Variants in FNIP1 observed in about 807,000 individuals in gnomAD.
FNIP1 encodes the protein folliculin-interacting protein 1.
FNIP1 carries 40 observed loss-of-function variants against 124.5 expected under a neutral mutation model. The ratio of observed to expected loss-of-function variants is 0.32; its 90% CI spans 0.25 to 0.42. The LOEUF is 0.42. Among genes scored for constraint, FNIP1 ranks in the 10% least tolerant of loss-of-function variants. FNIP1 has a pLI of 1.00. For missense variants in FNIP1, 1,176 were observed against 1,403.7 expected (o/e 0.84, Z 2.59); for synonymous variants, 472 against 470.6 (o/e 1.00, Z -0.04).
chr5:131,699,577 A>G (rs185272261), intron 10 of FNIP1, among the ~76,000 whole-genome samples: 1 of 151,826 alleles, frequency 6.6e-6, no homozygotes, highest in Admixed American at 6.6e-5. Context: ...TATTTTTAGT[A>G]GAGATGGGGT....
chr5:131,778,472 C>T lies in FNIP1; in HGVS notation c.92+18358G>A, dbSNP rs890486018. Reference sequence around the variant, plus strand: ...TATCATCTCACACCAGTTAGAATGGCGATCATTAAAAAGTCAGGAAACAAC... The same window carrying T: ...TATCATCTCACACCAGTTAGAATGGTGATCATTAAAAAGTCAGGAAACAAC... On this transcript the variant is annotated intron_variant, in intron 1 of 17. Coordinates refer to ENST00000510461, the MANE Select transcript of FNIP1 (RefSeq NM_133372.3). Among the ~76,000 whole-genome samples, 19 of 148,954 alleles carry T rather than the reference C, an allele frequency of 1.3e-4. No individual in the cohort carries two copies. The East Asian group carries it at 3.2e-3, about 25-fold the overall frequency.
chr5:131,713,789 T>C (rs1769379026), intron 6 of FNIP1, among the ~76,000 whole-genome samples: 1 of 152,240 alleles, frequency 6.6e-6, no homozygotes, highest in Non-Finnish European at 1.5e-5. Context: ...TCTGGTCCAC[T>C]CTATGTCCCT....
intron 1 of FNIP1, among the ~76,000 whole-genome samples, chr5:131,775,881 TTCTG>T (rs1396622121): frequency 6.6e-6 from 1 of 152,210 alleles, no homozygotes; most frequent in African/African-American, 2.4e-5. Flanking sequence ...GTCCTTAAAA[TTCTG>T]CCTGACACAT....
intron 4 of FNIP1, 58 bp from the exon 5 acceptor site, chr5:131,719,118 T>G: frequency 1.3e-6 from 2 of 1,498,832 alleles, no homozygotes; most frequent in South Asian, 2.3e-5. Flanking sequence ...CCTTTTGGAT[T>G]TATTATAAAT....
At chr5:131,795,885 A>T (rs1205562419) in intron 1 of FNIP1, 1 of 152,112 alleles carries the variant, frequency 6.6e-6, no homozygotes, top group Non-Finnish European at 1.5e-5. Context: ...AACGTGTGGC[A>T]TTTGACATTT....
intron 13 of FNIP1, among the ~76,000 whole-genome samples, chr5:131,675,210 C>T (rs1221857134): frequency 6.6e-6 from 1 of 152,220 alleles, no homozygotes; most frequent in Non-Finnish European, 1.5e-5. Context: ...AATATCTCTG[C>T]CAGTCCATAG....
intron 13 of FNIP1, among the ~76,000 whole-genome samples, chr5:131,674,317 C>A (rs1424903982): frequency 6.6e-6 from 1 of 152,136 alleles, no homozygotes; most frequent in Non-Finnish European, 1.5e-5. Flanking sequence ...ACATGACTAG[C>A]CATTATGTTA....
At chr5:131,693,319 CATATATATATATACATATATAT>C (rs1768559307) in intron 11 of FNIP1, among the ~76,000 whole-genome samples, 1 of 41,624 alleles carries the variant, frequency 2.4e-5, no homozygotes, top group Non-Finnish European at 5.0e-5. Context: ...TATATATACA[CATATATATATATACATATATAT>C]ATATATATAT....
chr5:131,678,957 G>A (rs1191249921), intron 12 of FNIP1, 72 bp downstream of exon 12: 12 of 1,012,024 alleles, frequency 1.2e-5, no homozygotes, highest in Non-Finnish European at 1.6e-5. Flanking sequence ...AAAGATAATG[G>A]ATGATTCTTC....
At chr5:131,735,483 A>ATG (rs1770261975) in intron 2 of FNIP1, among the ~76,000 whole-genome samples, 2 of 148,926 alleles carry the variant, frequency 1.3e-5, no homozygotes, top group Admixed American at 1.3e-4. Flanking sequence ...ATACGTATAT[A>ATG]TGTATATATA....
chr5:131,734,901 C>T (rs924442924), intron 2 of FNIP1, among the ~76,000 whole-genome samples: 2 of 152,174 alleles, frequency 1.3e-5, no homozygotes, highest in Non-Finnish European at 2.9e-5. Context: ...GACAGTGTGG[C>T]GATTTCTCAG....
intron 11 of FNIP1, among the ~76,000 whole-genome samples, chr5:131,681,469 G>C (rs563738997): frequency 6.6e-6 from 1 of 152,064 alleles, no homozygotes; most frequent in African/African-American, 2.4e-5. Context: ...CAGAGAAAAA[G>C]ACAAGAACAG....
intron 3 of FNIP1, among the ~76,000 whole-genome samples, chr5:131,730,021 A>G (rs1009401515): frequency 1.7e-4 from 26 of 151,906 alleles, no homozygotes; most frequent in African/African-American, 6.3e-4. Flanking sequence ...GATTACAGGC[A>G]TGAGCCACCA....
chr5:131,775,787 C>CA (rs1028034246), intron 1 of FNIP1, among the ~76,000 whole-genome samples: 17 of 152,234 alleles, frequency 1.1e-4, no homozygotes, highest in African/African-American at 4.1e-4. Flanking sequence ...CTCAGCCTCC[C>CA]AAAGTGCTGG....
chr5:131,668,694 GAAATA>G (rs1767668107), intron 15 of FNIP1, among the ~76,000 whole-genome samples: 1 of 152,004 alleles, frequency 6.6e-6, no homozygotes, highest in Non-Finnish European at 1.5e-5. Context: ...CAAGAAAAAT[GAAATA>G]AAATAAAATA....
intron 1 of FNIP1, among the ~76,000 whole-genome samples, chr5:131,780,388 G>A (rs921794219): frequency 1.3e-5 from 2 of 152,138 alleles, no homozygotes; most frequent in Non-Finnish European, 2.9e-5. Flanking sequence ...GAGGAAAAAG[G>A]CACAGAACAG....
At chr5:131,651,718 C>A in intron 16 of FNIP1, 84 bp downstream of exon 16, 1 of 1,309,156 alleles carries the variant, frequency 7.6e-7, no homozygotes, top group Non-Finnish European at 1.1e-6. Flanking sequence ...ACATTCAGTC[C>A]CTAACAGCTT....
chr5:131,790,478 C>CAAAAAAAA (rs56699008), intron 1 of FNIP1, among the ~76,000 whole-genome samples: 2 of 70,594 alleles, frequency 2.8e-5, no homozygotes, highest in African/African-American at 8.9e-5. Flanking sequence ...GAACCTGTCT[C>CAAAAAAAA]AAAAAAAAAA....
rs931146981 is a variant in FNIP1, at chr5:131,706,445, T to C, written c.880A>G (p.Thr294Ala). 4 of 1,612,964 alleles carry C rather than the reference T, an allele frequency of 2.5e-6. No homozygotes were observed. The highest frequency in any genetic ancestry group is 3.4e-6 in the Non-Finnish European group (4 of 1,179,524). ...SYQRRWRRSQ[T>A]TSLENGVFPR... Reference sequence around the variant, plus strand: ...AATACCCCATTTTCCAAACTTGTTGTTTGGCTGCGTCGCCAACGTCGCTGG... The same window carrying C: ...AATACCCCATTTTCCAAACTTGTTGCTTGGCTGCGTCGCCAACGTCGCTGG... Residue 294 changes from threonine (T) to alanine (A), a missense_variant, in exon 9 of 18, where the codon ACA (threonine) becomes GCA (alanine). Physicochemically the swap from Thr to Ala is moderately conservative, Grantham distance 58. Transcript: ENST00000510461.
Sources: gnomAD v4.1 joint callset for allele counts (sites outside exome capture counted in the v4.1 genomes callset) on GRCh38, gnomAD v4.1.1 for gene constraint, MANE v1.5 for transcripts, NCBI Gene and HGNC (gene_info 2026-07-23, HGNC 2026-07-21) for gene names.